The following KNG1 variants were observed in gnomAD, a reference collection of about 807,000 sequenced individuals.
KNG1 encodes the protein kininogen-1.
KNG1 carries 23 observed loss-of-function variants against 47.8 expected under a neutral mutation model. The ratio of observed to expected loss-of-function variants is 0.48; its 90% CI spans 0.35 to 0.68. The LOEUF (loss-of-function observed/expected upper bound fraction) is 0.68. Ranked by LOEUF, KNG1 falls within the 30% of genes least tolerant of loss-of-function variation. KNG1 has a pLI of 0.01. For synonymous variants in KNG1, 277 were observed against 277.0 expected (o/e 1.00, Z 0.00); for missense variants, 762 against 790.2 (o/e 0.96, Z 0.43).
At chr3:186,741,247 G>A (rs890433216) in intron 9 of KNG1, among the ~76,000 whole-genome samples, 1 of 152,056 alleles carries the variant, frequency 6.6e-6, no homozygotes, top group African/African-American at 2.4e-5. Flanking sequence ...GCTCGCCTTG[G>A]TCTCCCAAAG....
At chr3:186,720,434 T>C (rs1387212680) in intron 2 of KNG1, 2 of 572,546 alleles carry the variant, frequency 3.5e-6, no homozygotes, top group Non-Finnish European at 6.2e-6. Flanking sequence ...AGCCTTTCCA[T>C]GAGAAGGGGG....
chr3:186,743,461 C>A lies in KNG1; in HGVS notation c.*1130C>A. The A allele has an allele frequency of 1.9e-6, 1 of 513,390 alleles. No homozygotes were observed. The allele number at this position is 513,390 out of a possible 1,614,324, so 31.8% of individuals were successfully genotyped here. ...TTTATAACCAATGTTGTACTTTTGC[C>A]TAGAAAAACAAGATATGGCTTTAAA... On this transcript the variant is annotated 3_prime_UTR_variant, in exon 10 of 10. Coordinates refer to ENST00000644859, the MANE Select transcript of KNG1 (RefSeq NM_001102416.3).
intron 9 of KNG1, among the ~76,000 whole-genome samples, chr3:186,740,554 C>T (rs1274201276): frequency 6.6e-6 from 1 of 152,194 alleles, no homozygotes; most frequent in African/African-American, 2.4e-5. Context: ...CACATTCTCA[C>T]AGGTAGCAAA....
Position 186,717,742 on chromosome 3 carries a change from G to C in KNG1, c.195+5G>C, listed in dbSNP as rs1720025733. The C allele has an allele frequency of 6.2e-7, 1 of 1,608,854 alleles. No homozygotes were observed. Among genetic ancestry groups the C allele is most frequent in the Admixed American group, 1.7e-5 (1 of 59,992 alleles). ...ATAACTGAAGCCACTAAGACGGTGA[G>C]TGAATTGTGTTTAACCTTGAAGTCA... On this transcript the variant is annotated splice_donor_5th_base_variant and intron_variant, in intron 1 of 9. Coordinates refer to ENST00000644859, the MANE Select transcript of KNG1 (RefSeq NM_001102416.3).
In KNG1 at chr3:186,726,274, C is replaced by CTTTTTTTTTT. The variant is rs774226752; in HGVS notation, c.565-952_565-943dup. On this transcript the variant is annotated intron_variant, in intron 4 of 9. Transcript: ENST00000644859. ...GATTCAGTACACCCAGACTTTTCTT[C>CTTTTTTTTTT]TTTTTTTTTTTTTTTTTTTTGTTTT... 2.4e-4 allele frequency among the ~76,000 whole-genome samples: 27 copies of CTTTTTTTTTT among 113,708 alleles called. 1 individual carries two copies. The highest frequency in any genetic ancestry group is 5.6e-4 in the African/African-American group (18 of 31,910). The allele number at this position is 113,708 out of a possible 152,430, so 74.6% of individuals were successfully genotyped here. A position where few individuals can be genotyped will look rare whatever the true frequency, so the allele number is the denominator to read the frequency against.
intron 7 of KNG1, chr3:186,734,733 G>A (rs1018329830): frequency 6.6e-6 from 1 of 152,228 alleles, no homozygotes; most frequent in East Asian, 1.9e-4. Flanking sequence ...AGCTACTCAG[G>A]AGGCTAAGGC....
chr3:186,731,338 C>T (rs1720527181), intron 5 of KNG1, among the ~76,000 whole-genome samples: 2 of 152,080 alleles, frequency 1.3e-5, no homozygotes, highest in South Asian at 4.1e-4. Context: ...TTTCCATGTG[C>T]TCATGTATAT....
Position 186,731,552 on chromosome 3 carries a change from G to A in KNG1, c.680G>A (p.Gly227Asp). The change falls in exon 6 of 10, where the codon GGT becomes GAT. Residue 227 changes from glycine to aspartate, a missense_variant. Physicochemically the swap from Gly to Asp is moderately conservative, Grantham distance 94. Coordinates refer to ENST00000644859, the MANE Select transcript of KNG1 (RefSeq NM_001102416.3). ...DCKSLWNGDT[G>D]ECTDNAYIDI... ...ATGCTTTTTAAAAACCAGGATACCG[G>A]TGAATGTACAGATAATGCATACATC... The A allele has an allele frequency of 6.2e-7, 1 of 1,605,684 alleles. No homozygotes were observed. Among genetic ancestry groups the A allele is most frequent in the South Asian group, 1.1e-5 (1 of 90,896 alleles).
intron 7 of KNG1, among the ~76,000 whole-genome samples, chr3:186,733,005 T>C (rs1021020296): frequency 6.6e-6 from 1 of 152,166 alleles, no homozygotes; most frequent in Non-Finnish European, 1.5e-5. Context: ...ACCAGCACTT[T>C]GGGAGGCCAA....
intron 1 of KNG1, 57 bp downstream of exon 1, chr3:186,717,794 TC>T: frequency 8.1e-7 from 1 of 1,232,394 alleles, no homozygotes; most frequent in Non-Finnish European, 1.2e-6. Flanking sequence ...TCACTAGGAG[TC>T]CAGGCCTCAC....
intron 7 of KNG1, chr3:186,736,475 T>A (rs891445548): frequency 1.3e-5 from 2 of 152,216 alleles, no homozygotes; most frequent in Admixed American, 6.5e-5. Context: ...ATGAAACACT[T>A]CCTGAATCTT....
intron 4 of KNG1, among the ~76,000 whole-genome samples, chr3:186,725,942 AT>A (rs544977446): frequency 6.5e-4 from 92 of 142,082 alleles, no homozygotes; most frequent in East Asian, 1.1e-3. Flanking sequence ...TATATCCGTA[AT>A]TTTTTTTTTT....
In KNG1 at chr3:186,743,473, G is replaced by T. The variant is rs1720865905; in HGVS notation, c.*1142G>T. 1.9e-6 allele frequency: 1 copy of T among 536,580 alleles called. No individual in the cohort carries two copies. Among genetic ancestry groups the T allele is most frequent in the Non-Finnish European group, 3.4e-6 (1 of 298,074 alleles). 33.2% of individuals were successfully genotyped at this position (536,580 alleles called of 1,614,324 possible). ...GTTGTACTTTTGCCTAGAAAAACAA[G>T]ATATGGCTTTAAATAGCTACAATCA... is the stretch of plus-strand genomic sequence containing the variant. On this transcript the variant is annotated 3_prime_UTR_variant, in exon 10 of 10. Coordinates refer to ENST00000644859, the MANE Select transcript of KNG1 (RefSeq NM_001102416.3).
chr3:186,727,860 C>T (rs930133697), intron 5 of KNG1, among the ~76,000 whole-genome samples: 5 of 152,190 alleles, frequency 3.3e-5, no homozygotes, highest in Non-Finnish European at 2.9e-5. Flanking sequence ...GCATGAGCCA[C>T]CGTGCCTGGC....
At position 186,742,655 on chromosome 3, in the gene KNG1, T is replaced by C; in HGVS notation, c.*324T>C. The C allele has an allele frequency of 9.1e-7, 1 of 1,100,614 alleles. No homozygotes were observed. The highest frequency in any genetic ancestry group is 1.1e-6 in the Non-Finnish European group (1 of 902,988). 68.2% of individuals were successfully genotyped at this position (1,100,614 alleles called of 1,614,324 possible). A position where few individuals can be genotyped will look rare whatever the true frequency, so the allele number is the denominator to read the frequency against. On this transcript the variant is annotated 3_prime_UTR_variant, in exon 10 of 10. Coordinates refer to ENST00000644859, the MANE Select transcript of KNG1 (RefSeq NM_001102416.3). Reference sequence around the variant, plus strand: ...AATATGTACCTTACAACATATGTCATGAATTTGCATACAAAGATTCTTGTC... The same window carrying C: ...AATATGTACCTTACAACATATGTCACGAATTTGCATACAAAGATTCTTGTC...
Position 186,741,508 on chromosome 3 carries a change from T to C in KNG1, c.1126-14T>C. On this transcript the variant is annotated splice_polypyrimidine_tract_variant and intron_variant, in intron 9 of 9. Transcript: ENST00000644859. ...TTTTGCAGTAATACATTCATCTTAA[T>C]ATTTTCTGTTTAGATCTCACTGATG... 6.2e-7 allele frequency: 1 copy of C among 1,604,634 alleles called. No homozygotes were observed. The highest frequency in any genetic ancestry group is 8.5e-7 in the Non-Finnish European group (1 of 1,176,994).
In KNG1 at chr3:186,744,172, CTCT is replaced by C. The variant is rs1482108787; in HGVS notation, c.*1847_*1849del. ...CCAGTAATCTAAGGACTCTCTCCTT[CTCT>C]TCTTCCTCTTTCTCCAGATTTCCAA... On this transcript the variant is annotated 3_prime_UTR_variant, in exon 10 of 10. Transcript: ENST00000644859. 1 of 232,508 alleles carries C rather than the reference CTCT, an allele frequency of 4.3e-6. No individual in the cohort carries two copies. The highest frequency in any genetic ancestry group is 8.6e-6 in the Non-Finnish European group (1 of 116,038). 14.4% of individuals were successfully genotyped at this position (232,508 alleles called of 1,614,324 possible).
At chr3:186,740,967 G>GT (rs941205412) in intron 9 of KNG1, among the ~76,000 whole-genome samples, 16 of 145,170 alleles carry the variant, frequency 1.1e-4, no homozygotes, top group Non-Finnish European at 1.5e-4. Context: ...GTTTGGCTGG[G>GT]TTTTTTTGTT....
chr3:186,725,886 G>A (rs1390577049), intron 4 of KNG1, among the ~76,000 whole-genome samples: 1 of 131,978 alleles, frequency 7.6e-6, no homozygotes, highest in Non-Finnish European at 1.6e-5. Flanking sequence ...GGCTTTCTGG[G>A]TACCCACTAA....
Sources: allele counts gnomAD v4.1 joint callset (sites outside exome capture counted in the v4.1 genomes callset), GRCh38; gene constraint gnomAD v4.1.1; transcripts MANE v1.5; gene names NCBI Gene and HGNC (gene_info 2026-07-23, HGNC 2026-07-21).